The following DCTN1 variants were observed in gnomAD, a reference collection of about 807,000 sequenced individuals.
DCTN1 encodes the protein 150 kDa dynein-associated polypeptide.
A neutral mutation model predicts 161.2 loss-of-function variants in DCTN1; 61 were observed. The observed-to-expected ratio is 0.38, with a 90% confidence interval of 0.31 to 0.47. The LOEUF (loss-of-function observed/expected upper bound fraction) is 0.47, where lower values mean the gene tolerates loss of function less well. Among genes scored for constraint, DCTN1 ranks in the 20% least tolerant of loss-of-function variants. The probability of loss-of-function intolerance (pLI) is 0.99; values close to 1 mark genes in which losing one functional copy is unlikely to be tolerated. For synonymous variants in DCTN1, 653 were observed against 632.4 expected (o/e 1.03, Z -0.49); for missense variants, 1,404 against 1,623.7 (o/e 0.86, Z 2.33).
intron 15 of DCTN1, 86 bp from the exon 16 acceptor site, chr2:74,368,966 T>G (rs1164488234): frequency 6.3e-7 from 1 of 1,583,038 alleles, no homozygotes; most frequent in African/African-American, 1.3e-5. Flanking sequence ...GATCCCTTGC[T>G]TCTAGGGCAA....
At position 74,377,417 on chromosome 2, in the gene DCTN1, C is replaced by T. The variant is rs535614130; in HGVS notation, c.393+15G>A. 1.9e-6 allele frequency: 3 copies of T among 1,611,238 alleles called. No individual in the cohort carries two copies. Among genetic ancestry groups the T allele is most frequent in the Non-Finnish European group, 2.5e-6 (3 of 1,177,366 alleles). On this transcript the variant is annotated intron_variant, in intron 4 of 31. Transcript: ENST00000628224. ...TCCCTTTATTATTCCCCATTCCCAC[C>T]CCCAAATCACTCACCAGTTTGCTAG... is the stretch of plus-strand genomic sequence containing the variant.
intron 8 of DCTN1, 99 bp from the exon 9 acceptor site, chr2:74,371,275 C>T (rs552957817): frequency 6.2e-6 from 10 of 1,603,348 alleles, no homozygotes; most frequent in African/African-American, 1.3e-5. Flanking sequence ...CAAACATCAC[C>T]CAGCCCCAGG....
rs140391048 is a variant in DCTN1 at position 74,361,928 on chromosome 2, A to G, written c.3699+124T>C. 2.7e-4 allele frequency: 292 copies of G among 1,100,426 alleles called. 6 individuals are homozygous for G. The East Asian group carries it at 4.6e-3, about 17-fold the overall frequency. 68.2% of individuals were successfully genotyped at this position (1,100,426 alleles called of 1,614,324 possible). On this transcript the variant is annotated intron_variant, in intron 31 of 31. Transcript: ENST00000628224. ...AGTTACTTGTAAGTAAAATTTGGCC[A>G]GATAACCCAAGGTATGCAGTTGTTA...
At chr2:74,378,798 A>G in intron 1 of DCTN1, 1 of 165,684 alleles carries the variant, frequency 6.0e-6, no homozygotes, top group Non-Finnish European at 1.3e-5. Flanking sequence ...CCCTTAAGTC[A>G]CCACCTCTCC....
rs1178481693 is a variant in DCTN1 at position 74,366,941 on chromosome 2, G to A, written c.2317-9C>T. On this transcript the variant is annotated splice_polypyrimidine_tract_variant and intron_variant, in intron 20 of 31. Coordinates refer to ENST00000628224, the MANE Select transcript of DCTN1 (RefSeq NM_004082.5). Reference sequence around the variant, plus strand: ...GTAGCCTCCTGCCCACCCTACTCAGGAAAAAGAAAATGGATGGAGAACCAA... The same window carrying A: ...GTAGCCTCCTGCCCACCCTACTCAGAAAAAAGAAAATGGATGGAGAACCAA... 2 of 1,614,146 alleles carry A rather than the reference G, an allele frequency of 1.2e-6. No homozygotes were observed. The highest frequency in any genetic ancestry group is 2.7e-5 in the African/African-American group (2 of 75,028).
upstream of DCTN1, chr2:74,380,313 C>T (rs1467129785): frequency 6.9e-6 from 4 of 579,536 alleles, no homozygotes; most frequent in South Asian, 3.6e-5. Context: ...TCTCACTCTG[C>T]GCTAGTGCTG....
chr2:74,390,770 G>C (rs548416516), intron 1 of DCTN1: 34 of 279,550 alleles, frequency 1.2e-4, no homozygotes, highest in Non-Finnish European at 2.4e-4. Flanking sequence ...GTACTGTAAC[G>C]AGATCGCATT....
chr2:74,366,343 C>T lies in DCTN1; in HGVS notation c.2661G>A (p.Glu887=). Residue 887 remains glutamate, a synonymous_variant, in exon 23 of 32, where the codon GAG becomes GAA. Transcript: ENST00000628224. ...GGATGTTGCATGACTGGCGCAGACA[C>T]TCATAGGGGCTGCTGGAGGGGGTCC... ...IYGTPSSSPY[E]CLRQSCNILI... is the part of the protein sequence containing the mutation. 6.2e-7 allele frequency: 1 copy of T among 1,614,242 alleles called. No homozygotes were observed. The highest frequency in any genetic ancestry group is 2.2e-5 in the East Asian group (1 of 44,882).
rs748010130 is a variant in DCTN1, at chr2:74,361,247, C to G, written c.*252G>C. 14 of 643,174 alleles carry G rather than the reference C, an allele frequency of 2.2e-5. No individual in the cohort carries two copies. The highest frequency in any genetic ancestry group is 4.1e-4 in the Middle Eastern group (1 of 2,464). The allele number at this position is 643,174 out of a possible 1,614,324, so 39.8% of individuals were successfully genotyped here. On this transcript the variant is annotated 3_prime_UTR_variant, in exon 32 of 32. Coordinates refer to ENST00000628224, the MANE Select transcript of DCTN1 (RefSeq NM_004082.5). ...GGTGGTGGGGTCTCAGCCTACCCCC[C>G]ACAAGCCCTGAGGCCCCTCAGGAAG... is the stretch of plus-strand genomic sequence containing the variant.
Position 74,370,564 on chromosome 2 carries a change from C to T in DCTN1, c.1049-20G>A, listed in dbSNP as rs1163089392. 1 of 1,614,134 alleles carries T rather than the reference C, an allele frequency of 6.2e-7. No homozygotes were observed. The highest frequency in any genetic ancestry group is 8.5e-7 in the Non-Finnish European group (1 of 1,180,040). On this transcript the variant is annotated intron_variant, in intron 10 of 31. Coordinates refer to ENST00000628224, the MANE Select transcript of DCTN1 (RefSeq NM_004082.5). This position sits in a 1 kb window ranked among gnomAD's most constrained non-coding sequence, Gnocchi z 4.4. Reference sequence around the variant, plus strand: ...CTGAGCCTGGAGAAGATCATTAACACTTTCAGGCATGGTTCTCACCTGACC... The same window carrying T: ...CTGAGCCTGGAGAAGATCATTAACATTTTCAGGCATGGTTCTCACCTGACC...
upstream of DCTN1, among the ~76,000 whole-genome samples, chr2:74,382,147 A>G (rs1675537500): frequency 6.6e-6 from 1 of 152,242 alleles, no homozygotes; most frequent in Admixed American, 6.5e-5. Flanking sequence ...AAAAAATTCA[A>G]AAGAGCTCAG....
At chr2:74,363,949 C>T in intron 26 of DCTN1, 1 of 453,278 alleles carries the variant, frequency 2.2e-6, no homozygotes, top group South Asian at 2.2e-5. Context: ...GATGCCATCT[C>T]CAAGAAGGGC....
Position 74,361,643 on chromosome 2 carries a change from G to A in DCTN1, c.3700-7C>T. The A allele has an allele frequency of 5.0e-6, 8 of 1,614,138 alleles. No individual in the cohort carries two copies. Among genetic ancestry groups the A allele is most frequent in the Non-Finnish European group, 6.8e-6 (8 of 1,180,014 alleles). On this transcript the variant is annotated splice_polypyrimidine_tract_variant and splice_region_variant and intron_variant, in intron 31 of 31. Transcript: ENST00000628224. ...CCTGCTGCTCCTCCTTGGCCTGGTGGTTGATGAGGAGAAAAAGACTCCAGG... is the reference window on the plus strand; with the variant it reads ...CCTGCTGCTCCTCCTTGGCCTGGTGATTGATGAGGAGAAAAAGACTCCAGG...
rs750513586 is a variant in DCTN1 at position 74,370,023 on chromosome 2, T to C, written c.1334A>G (p.Asp445Gly). 6.2e-7 allele frequency: 1 copy of C among 1,614,164 alleles called. No homozygotes were observed. Among genetic ancestry groups the C allele is most frequent in the Non-Finnish European group, 8.5e-7 (1 of 1,180,040 alleles). ...TTTCTCTTCCAGATTCAGGTTCCGATCTGTCAGCATCTCCACCATCTCCTC... is the reference window on the plus strand; with the variant it reads ...TTTCTCTTCCAGATTCAGGTTCCGACCTGTCAGCATCTCCACCATCTCCTC... ...GAEEMVEMLT[D>G]RNLNLEEKVR... The change falls in exon 13 of 32, where the codon GAT (aspartate) becomes GGT (glycine). Residue 445 changes from aspartate (D) to glycine (G), a missense_variant. This residue lies in a region of DCTN1 where 278 missense variants were observed against 363.8 expected (regional missense o/e 0.76). Transcript: ENST00000628224. The surrounding 1 kb of genome is among the most constrained non-coding windows in gnomAD (Gnocchi z 4.4).
chr2:74,370,571 G>A lies in DCTN1; in HGVS notation c.1049-27C>T, dbSNP rs755910313. ...TGGAGAAGATCATTAACACTTTCAG[G>A]CATGGTTCTCACCTGACCGTTTGGC... On this transcript the variant is annotated intron_variant, in intron 10 of 31. Transcript: ENST00000628224. The surrounding 1 kb of genome is among the most constrained non-coding windows in gnomAD (Gnocchi z 4.4). 18 of 1,613,864 alleles carry A rather than the reference G, an allele frequency of 1.1e-5. No individual in the cohort carries two copies. The highest frequency in any genetic ancestry group is 1.4e-5 in the Non-Finnish European group (17 of 1,180,034).
At chr2:74,389,870 C>T (rs1028768992) in intron 1 of DCTN1, among the ~76,000 whole-genome samples, 1 of 152,096 alleles carries the variant, frequency 6.6e-6, no homozygotes, top group Admixed American at 6.5e-5. Context: ...TCTAATATTG[C>T]TATGTGAAGC....
In DCTN1 at chr2:74,365,937, G is replaced by A. The variant is rs746572197; in HGVS notation, c.2842C>T (p.Arg948Ter). 4 of 1,614,118 alleles carry A rather than the reference G, an allele frequency of 2.5e-6. No homozygotes were observed. The highest frequency in any genetic ancestry group is 3.4e-6 in the Non-Finnish European group (4 of 1,180,042). The change falls in exon 24 of 32, where the codon CGA (arginine) becomes TGA (stop). Residue 948 changes from arginine (R) to a stop codon, truncating the protein, a stop_gained. Transcript: ENST00000628224. LOFTEE classifies it high-confidence loss of function. ...AEGLGLKLED[R>*]ETVIKELKKS... ...TTCAACTCCTTAATAACTGTCTCTC[G>A]ATCTTCGAGCTTCAAACCCAGGCCT... is the stretch of plus-strand genomic sequence containing the variant.
chr2:74,391,711 C>G, intron 1 of DCTN1: 1 of 434,672 alleles, frequency 2.3e-6, no homozygotes, highest in South Asian at 1.6e-5. Context: ...ACACCGGGCT[C>G]GGTCCCCAGC....
chr2:74,383,633 GAAGA>G (rs1675605514), upstream of DCTN1: 1 of 152,232 alleles, frequency 6.6e-6, no homozygotes, highest in South Asian at 2.1e-4. Flanking sequence ...ATCAGGAGGA[GAAGA>G]AAGAGGCCAG....
Sources: gnomAD v4.1 joint callset for allele counts (sites outside exome capture counted in the v4.1 genomes callset) on GRCh38, gnomAD v4.1.1 for gene constraint, gnomAD v4.1.1 regional missense constraint, Gnocchi (gnomAD v3.1) non-coding constraint, MANE v1.5 for transcripts, NCBI Gene and HGNC (gene_info 2026-07-23, HGNC 2026-07-21) for gene names.